The following SHISA6 variants were observed in gnomAD, a reference collection of about 807,000 sequenced individuals.
SHISA6 encodes shisa family member 6, also known as protein shisa-6.
SHISA6 carries 22 observed loss-of-function variants against 47.9 expected under a neutral mutation model. The ratio of observed to expected loss-of-function variants is 0.46; its 90% CI spans 0.33 to 0.66. The LOEUF (loss-of-function observed/expected upper bound fraction) is 0.66, where lower values mean the gene tolerates loss of function less well. SHISA6 is among the 30% of genes least tolerant of loss of function. SHISA6 has a pLI of 0.02. For missense variants in SHISA6, 680 were observed against 764.6 expected (o/e 0.89, Z 1.30); for synonymous variants, 388 against 337.8 (o/e 1.15, Z -1.63).
At chr17:11,404,021 A>C (rs1333987769) in intron 3 of SHISA6, among the ~76,000 whole-genome samples, 1 of 152,202 alleles carries the variant, frequency 6.6e-6, no homozygotes, top group South Asian at 2.1e-4. Flanking sequence ...TTATTCCTGC[A>C]CATGAGGGCT....
At chr17:11,523,941 G>C (rs2071653149) in intron 3 of SHISA6, among the ~76,000 whole-genome samples, 1 of 151,942 alleles carries the variant, frequency 6.6e-6, no homozygotes, top group South Asian at 2.1e-4. Context: ...AGGAGGCAGA[G>C]GTTGCAGTGA....
intron 3 of SHISA6, among the ~76,000 whole-genome samples, chr17:11,391,646 G>A (rs559234150): frequency 6.6e-6 from 1 of 152,190 alleles, no homozygotes; most frequent in East Asian, 1.9e-4. Context: ...GAGTTGAGTG[G>A]GTTTATGGAT....
At chr17:11,249,998 TAAG>T (rs1907741702) in intron 1 of SHISA6, among the ~76,000 whole-genome samples, 1 of 152,216 alleles carries the variant, frequency 6.6e-6, no homozygotes, top group African/African-American at 2.4e-5. Context: ...TTATTGGCCT[TAAG>T]AAAATCAGTT....
In SHISA6 at chr17:11,513,842, C is replaced by G. The variant is rs565400893; in HGVS notation, c.896-38054C>G. On this transcript the variant is annotated intron_variant, in intron 3 of 5. Transcript: ENST00000441885. ...ACTCACAGGAGACCGAGTATATAAA[C>G]CAGAGAGCCAACTTATTTATTTGAG... Among the ~76,000 whole-genome samples the G allele has an allele frequency of 2.6e-5, 4 of 152,226 alleles. No individual in the cohort carries two copies. The South Asian group carries it at 8.3e-4, about 32-fold the overall frequency.
chr17:11,486,679 AAG>A (rs1322045035), intron 3 of SHISA6, among the ~76,000 whole-genome samples: 1 of 152,146 alleles, frequency 6.6e-6, no homozygotes, highest in Non-Finnish European at 1.5e-5. Flanking sequence ...CATGCTGAGG[AAG>A]AGTTTTCCGT....
At chr17:11,365,468 G>A (rs1162816843) in intron 2 of SHISA6, among the ~76,000 whole-genome samples, 1 of 152,096 alleles carries the variant, frequency 6.6e-6, no homozygotes, top group Non-Finnish European at 1.5e-5. Context: ...AGTAGAGATG[G>A]GGTTTTACCA....
At chr17:11,484,310 A>C (rs1249782329) in intron 3 of SHISA6, among the ~76,000 whole-genome samples, 1 of 152,258 alleles carries the variant, frequency 6.6e-6, no homozygotes, top group Non-Finnish European at 1.5e-5. Context: ...GCATGCATCC[A>C]CATCAATGAG....
At chr17:11,353,176 G>A (rs1230712016) in intron 2 of SHISA6, among the ~76,000 whole-genome samples, 3 of 151,996 alleles carry the variant, frequency 2.0e-5, no homozygotes, top group South Asian at 2.1e-4. Context: ...AGGAGAACAC[G>A]GGCCGGGCAC....
At chr17:11,374,883 G>A (rs891720372) in intron 2 of SHISA6, among the ~76,000 whole-genome samples, 15 of 151,980 alleles carry the variant, frequency 9.9e-5, no homozygotes, top group South Asian at 6.2e-4. Context: ...TGAAATGGGC[G>A]TCATCATTGT....
At chr17:11,353,932 G>A (rs554116828) in intron 2 of SHISA6, among the ~76,000 whole-genome samples, 1 of 152,220 alleles carries the variant, frequency 6.6e-6, no homozygotes, top group South Asian at 2.1e-4. Context: ...GCCCCAATAT[G>A]TCTTTCTTTC....
intron 2 of SHISA6, among the ~76,000 whole-genome samples, chr17:11,368,372 G>A (rs1247863430): frequency 6.6e-6 from 1 of 152,174 alleles, no homozygotes; most frequent in Non-Finnish European, 1.5e-5. Flanking sequence ...GAGAATCGCA[G>A]TGAGTGCCCT....
At chr17:11,522,156 G>A (rs1366560907) in intron 3 of SHISA6, among the ~76,000 whole-genome samples, 1 of 151,824 alleles carries the variant, frequency 6.6e-6, no homozygotes, top group Non-Finnish European at 1.5e-5. Flanking sequence ...TAGTAGAGAC[G>A]GGGTTTCACC....
intron 2 of SHISA6, among the ~76,000 whole-genome samples, chr17:11,353,871 T>A (rs547590110): frequency 6.6e-6 from 1 of 152,306 alleles, no homozygotes; most frequent in East Asian, 1.9e-4. Context: ...TAAATTCATG[T>A]TTAAATAATA....
At chr17:11,382,280 T>G (rs1280527924) in intron 3 of SHISA6, among the ~76,000 whole-genome samples, 1 of 152,158 alleles carries the variant, frequency 6.6e-6, no homozygotes, top group Non-Finnish European at 1.5e-5. Flanking sequence ...GGTCTCACTA[T>G]GTTGCCCAGG....
At position 11,558,393 on chromosome 17, in the gene SHISA6, C is replaced by T; in HGVS notation, c.*89C>T. 1.4e-6 allele frequency: 2 copies of T among 1,386,564 alleles called. No individual in the cohort carries two copies. Among genetic ancestry groups the T allele is most frequent in the Non-Finnish European group, 1.9e-6 (2 of 1,033,448 alleles). 85.9% of individuals were successfully genotyped at this position (1,386,564 alleles called of 1,614,324 possible). A position where few individuals can be genotyped will look rare whatever the true frequency, so the allele number is the denominator to read the frequency against. ...GAGCAGAGCTTCTAGCCTTGCCACT[C>T]TCCCTTCCCTTGTCCCCTCTGTAGG... On this transcript the variant is annotated 3_prime_UTR_variant, in exon 6 of 6. Coordinates refer to ENST00000441885, the MANE Select transcript of SHISA6 (RefSeq NM_207386.4).
At chr17:11,405,157 C>G (rs1182390318) in intron 3 of SHISA6, among the ~76,000 whole-genome samples, 1 of 152,166 alleles carries the variant, frequency 6.6e-6, no homozygotes, top group Admixed American at 6.5e-5. Flanking sequence ...TATGTAACTT[C>G]AATAAGCTTC....
chr17:11,368,550 A>G (rs978681405), intron 2 of SHISA6, among the ~76,000 whole-genome samples: 2 of 152,194 alleles, frequency 1.3e-5, no homozygotes, highest in African/African-American at 4.8e-5. Flanking sequence ...TTCTAGTAGT[A>G]ATGGTAGTAG....
intron 2 of SHISA6, among the ~76,000 whole-genome samples, chr17:11,349,685 A>G (rs1297824455): frequency 6.6e-6 from 1 of 152,186 alleles, no homozygotes; most frequent in African/African-American, 2.4e-5. Context: ...GCACTTTCCA[A>G]ATGTCTGCAG....
intron 1 of SHISA6, among the ~76,000 whole-genome samples, chr17:11,251,263 T>G (rs1907791430): frequency 6.6e-6 from 1 of 151,786 alleles, no homozygotes; most frequent in African/African-American, 2.4e-5. Flanking sequence ...GAGGGCTCTG[T>G]GGAACCAGAA....
Sources: allele counts gnomAD v4.1 joint callset (sites outside exome capture counted in the v4.1 genomes callset), GRCh38; gene constraint gnomAD v4.1.1; transcripts MANE v1.5; gene names NCBI Gene and HGNC (gene_info 2026-07-23, HGNC 2026-07-21).